Variants in ZNF680 observed in about 807,000 individuals in gnomAD.
The protein encoded by ZNF680 is zinc finger protein 680.
ZNF680 carries 6 observed loss-of-function variants against 12.1 expected under a neutral mutation model. That is an observed-to-expected ratio of 0.49 (90% confidence interval 0.27 to 0.98). The LOEUF (loss-of-function observed/expected upper bound fraction) is 0.98. Ranked by LOEUF, ZNF680 falls within the 50% of genes least tolerant of loss-of-function variation. The probability of loss-of-function intolerance (pLI) is 0.12; values close to 1 mark genes in which losing one functional copy is unlikely to be tolerated. For synonymous variants in ZNF680, 170 were observed against 199.3 expected (o/e 0.85, Z 1.24); for missense variants, 561 against 616.3 (o/e 0.91, Z 0.95).
chr7:64,558,977 A>AGT (rs1787574408), intron 1 of ZNF680, among the ~76,000 whole-genome samples: 1 of 151,978 alleles, frequency 6.6e-6, no homozygotes, highest in Non-Finnish European at 1.5e-5. Context: ...AACAAGAGGG[A>AGT]GTGTAGGTGA....
chr7:64,537,192 A>G (rs1786212679), intron 3 of ZNF680, among the ~76,000 whole-genome samples: 1 of 152,180 alleles, frequency 6.6e-6, no homozygotes, highest in Non-Finnish European at 1.5e-5. Context: ...AATATATGAA[A>G]ATGAAACACA....
chr7:64,525,886 C>T (rs1375749230), intron 3 of ZNF680: 28 of 984,758 alleles, frequency 2.8e-5, no homozygotes, highest in Non-Finnish European at 3.1e-5. Context: ...ATATACAAGT[C>T]ATAAAAAGAA....
Position 64,562,816 on chromosome 7 carries a change from C to T in ZNF680, c.30+109G>A, listed in dbSNP as rs557902552. On this transcript the variant is annotated intron_variant, in intron 1 of 3. Transcript: ENST00000309683. ...GAGCTGCGCCAAGGACAACTCGGGC[C>T]GCGGATTTTGGAGCCCAGTGCTTGG... is the stretch of plus-strand genomic sequence containing the variant. 61 of 1,312,148 alleles carry T rather than the reference C, an allele frequency of 4.6e-5. No homozygotes were observed. In the African/African-American group the frequency reaches 8.7e-4, roughly 19 times the overall value. The allele number at this position is 1,312,148 out of a possible 1,614,324, so 81.3% of individuals were successfully genotyped here. A position where few individuals can be genotyped will look rare whatever the true frequency, so the allele number is the denominator to read the frequency against.
chr7:64,511,613 T>G, the ZNF680 span, among the ~76,000 whole-genome samples: 1 of 139,636 alleles, frequency 7.2e-6, no homozygotes, highest in Non-Finnish European at 1.5e-5. Context: ...AACCTTGCCC[T>G]TGCCCAAACC....
the ZNF680 span, among the ~76,000 whole-genome samples, chr7:64,499,472 G>C: frequency 1.5e-3 from 235 of 152,276 alleles, no homozygotes; most frequent in African/African-American, 5.1e-3. Flanking sequence ...AGGTAAGACA[G>C]CTCAGGTGGG....
chr7:64,542,650 A>C (rs1786566038), intron 3 of ZNF680, among the ~76,000 whole-genome samples: 1 of 152,210 alleles, frequency 6.6e-6, no homozygotes, highest in African/African-American at 2.4e-5. Context: ...TTAAACAAGG[A>C]GGTAAAAAAA....
intron 3 of ZNF680, among the ~76,000 whole-genome samples, chr7:64,543,314 T>A (rs1786606166): frequency 6.6e-6 from 1 of 151,866 alleles, no homozygotes; most frequent in African/African-American, 2.4e-5. Context: ...ACCAAAAAAA[T>A]GGAAAAGAAA....
chr7:64,501,275 C>G, the ZNF680 span: 214 of 971,434 alleles, frequency 2.2e-4, no homozygotes, highest in African/African-American at 2.7e-3. Context: ...ATTGCTTAGG[C>G]TGTAGTGCCC....
intron 1 of ZNF680, among the ~76,000 whole-genome samples, chr7:64,559,561 A>G (rs550552183): frequency 1.3e-5 from 2 of 151,648 alleles, no homozygotes; most frequent in East Asian, 3.9e-4. Flanking sequence ...GCTCACTGCA[A>G]CCTCTACCTC....
the ZNF680 span, among the ~76,000 whole-genome samples, chr7:64,508,500 TAATA>T: frequency 6.6e-6 from 1 of 152,182 alleles, no homozygotes; most frequent in Non-Finnish European, 1.5e-5. Context: ...AAATGAGAGC[TAATA>T]AATTTCCTGT....
chr7:64,521,943 A>C lies in ZNF680; in HGVS notation c.811T>G (p.Cys271Gly), dbSNP rs1408470254. ...IEEKPFKCEE[C>G]GKAFSLFSIL... ...GAGAATAAACTAAAGGCTTTGCCAC[A>C]TTCTTCACATTTGAAGGGTTTCTCT... Residue 271 changes from cysteine to glycine, a missense_variant, in exon 4 of 4, where the codon TGT becomes GGT. Physicochemically the swap from Cys to Gly is radical, Grantham distance 159. Transcript: ENST00000309683. 6.2e-7 allele frequency: 1 copy of C among 1,613,026 alleles called. No homozygotes were observed. The highest frequency in any genetic ancestry group is 8.5e-7 in the Non-Finnish European group (1 of 1,179,580).
chr7:64,521,892 G>T lies in ZNF680; in HGVS notation c.862C>A (p.His288Asn). 3.1e-6 allele frequency: 5 copies of T among 1,613,268 alleles called. No homozygotes were observed. Among genetic ancestry groups the T allele is most frequent in the Non-Finnish European group, 4.2e-6 (5 of 1,179,654 alleles). The stretch of plus-strand genomic sequence containing the variant: ...CATTTGTAAGGTTTGTCTCCAGTAT[G>T]AATTATCTTATGTTTACTAAGGATT... ...FSILSKHKII[H>N]TGDKPYKCDE... is the part of the protein sequence containing the mutation. Residue 288 changes from histidine (H) to asparagine (N), a missense_variant, in exon 4 of 4, where the codon CAT becomes AAT. Transcript: ENST00000309683.
At chr7:64,510,002 G>C in the ZNF680 span, among the ~76,000 whole-genome samples, 1 of 133,990 alleles carries the variant, frequency 7.5e-6, no homozygotes, top group African/African-American at 2.8e-5. Flanking sequence ...AATTACTAAA[G>C]CTCCTTTAAC....
chr7:64,539,350 TCAAAAAAA>T (rs1786360850), intron 3 of ZNF680, among the ~76,000 whole-genome samples: 1 of 17,842 alleles, frequency 5.6e-5, no homozygotes, highest in Admixed American at 6.7e-4. Flanking sequence ...AAACTTCGTC[TCAAAAAAA>T]AAAAAAAAAA....
chr7:64,506,611 CTCTT>C, the ZNF680 span, among the ~76,000 whole-genome samples: 1 of 152,090 alleles, frequency 6.6e-6, no homozygotes, highest in Non-Finnish European at 1.5e-5. Flanking sequence ...TAAATTATTT[CTCTT>C]TAATATACCA....
At position 64,522,239 on chromosome 7, in the gene ZNF680, T is replaced by C. The variant is rs765702238; in HGVS notation, c.515A>G (p.His172Arg). Reference sequence around the variant, plus strand: ...CTTCTTTCCAGTATTTCTTTTCTTATGACTGTTTGAATTTGAAAATTTATG... The same window carrying C: ...CTTCTTTCCAGTATTTCTTTTCTTACGACTGTTTGAATTTGAAAATTTATG... Reference protein sequence around the residue: ...VFHKFSNSNSHKKRNTGKKVF... With the variant: ...VFHKFSNSNSRKKRNTGKKVF... Residue 172 changes from histidine (H) to arginine (R), a missense_variant, in exon 4 of 4, where the codon CAT becomes CGT. Physicochemically the swap from His to Arg is conservative, Grantham distance 29. Transcript: ENST00000309683. 1.9e-6 allele frequency: 3 copies of C among 1,612,624 alleles called. No homozygotes were observed. Among genetic ancestry groups the C allele is most frequent in the South Asian group, 2.2e-5 (2 of 90,972 alleles).
intron 3 of ZNF680, among the ~76,000 whole-genome samples, chr7:64,541,892 G>A (rs572514506): frequency 3.3e-4 from 51 of 152,258 alleles, no homozygotes; most frequent in African/African-American, 1.2e-3. Context: ...CCAGCTCCCT[G>A]AGCCACAGTT....
At chr7:64,510,399 G>A in the ZNF680 span, among the ~76,000 whole-genome samples, 1 of 151,480 alleles carries the variant, frequency 6.6e-6, no homozygotes, top group Non-Finnish European at 1.5e-5. Flanking sequence ...ACACCTACCT[G>A]TATCCCAACT....
chr7:64,553,894 T>G (rs1405991803), intron 1 of ZNF680, among the ~76,000 whole-genome samples: 3 of 152,112 alleles, frequency 2.0e-5, no homozygotes, highest in African/African-American at 4.8e-5. Flanking sequence ...GTGCTCAATG[T>G]TGCCCAGGCT....
Sources: allele counts gnomAD v4.1 joint callset (sites outside exome capture counted in the v4.1 genomes callset), GRCh38; gene constraint gnomAD v4.1.1; transcripts MANE v1.5; gene names NCBI Gene and HGNC (gene_info 2026-07-23, HGNC 2026-07-21).